PCDH9: variants seen among roughly 807,000 people sequenced by gnomAD.
The protein encoded by PCDH9 is protocadherin 9.
Under a neutral mutation model 70.6 loss-of-function variants are expected in PCDH9, and 24 were observed. The ratio of observed to expected loss-of-function variants is 0.34; its 90% CI spans 0.25 to 0.48. The LOEUF is 0.48. Among genes scored for constraint, PCDH9 ranks in the 20% least tolerant of loss-of-function variants. The pLI, the probability that PCDH9 is intolerant of heterozygous loss-of-function variation, is 0.99. For missense variants in PCDH9, 1,281 were observed against 1,503.6 expected (o/e 0.85, Z 2.45); for synonymous variants, 562 against 558.5 (o/e 1.01, Z -0.09).
In PCDH9 at chr13:67,228,444, A is replaced by G; in HGVS notation, c.-4T>C. 1 of 1,545,606 alleles carries G rather than the reference A, an allele frequency of 6.5e-7. No homozygotes were observed. The highest frequency in any genetic ancestry group is 8.7e-7 in the Non-Finnish European group (1 of 1,149,844). Reference sequence around the variant, plus strand: ...GGTAAAAATCCCTCAGGTCCATGATAATGTATTTATTTTCTTTTCCTGGAT... The same window carrying G: ...GGTAAAAATCCCTCAGGTCCATGATGATGTATTTATTTTCTTTTCCTGGAT... On this transcript the variant is annotated 5_prime_UTR_variant, in exon 2 of 5. Coordinates refer to ENST00000377865, the MANE Select transcript of PCDH9 (RefSeq NM_203487.3).
At chr13:66,480,283 A>G (rs1566358483) in intron 4 of PCDH9, among the ~76,000 whole-genome samples, 1 of 152,210 alleles carries the variant, frequency 6.6e-6, no homozygotes, top group Non-Finnish European at 1.5e-5. Context: ...GTCTCATGAT[A>G]AAAACTTAAA....
intron 2 of PCDH9, among the ~76,000 whole-genome samples, chr13:67,080,149 T>C (rs2085955226): frequency 6.6e-6 from 1 of 152,226 alleles, no homozygotes; most frequent in African/African-American, 2.4e-5. Flanking sequence ...TGGTCACTCA[T>C]ATTGACTCAG....
intron 3 of PCDH9, among the ~76,000 whole-genome samples, chr13:66,675,888 G>A (rs546531845): frequency 1.2e-4 from 19 of 152,202 alleles, no homozygotes; most frequent in South Asian, 4.1e-4. Flanking sequence ...GAAGTATGGC[G>A]TTGTCTTCTT....
intron 2 of PCDH9, among the ~76,000 whole-genome samples, chr13:67,013,074 T>C (rs536016656): frequency 6.6e-6 from 1 of 151,920 alleles, no homozygotes; most frequent in Non-Finnish European, 1.5e-5. Flanking sequence ...ATAGTAGTCT[T>C]TTTTATTAAT....
At chr13:66,679,955 T>C (rs1481440454) in intron 3 of PCDH9, among the ~76,000 whole-genome samples, 1 of 152,018 alleles carries the variant, frequency 6.6e-6, no homozygotes, top group Non-Finnish European at 1.5e-5. Context: ...TAAACATCTT[T>C]TTTAATACTA....
chr13:66,424,211 T>C (rs756117978), intron 4 of PCDH9, among the ~76,000 whole-genome samples: 1 of 152,160 alleles, frequency 6.6e-6, no homozygotes, highest in Non-Finnish European at 1.5e-5. Flanking sequence ...TCCATGCTCA[T>C]GGGTAGGAAG....
intron 4 of PCDH9, among the ~76,000 whole-genome samples, chr13:66,585,128 T>C (rs1337911835): frequency 1.3e-5 from 2 of 152,038 alleles, no homozygotes; most frequent in African/African-American, 4.8e-5. Context: ...AGTAGGAAAT[T>C]TGATGGTAAG....
At chr13:66,923,390 A>G (rs949595253) in intron 2 of PCDH9, among the ~76,000 whole-genome samples, 1 of 151,650 alleles carries the variant, frequency 6.6e-6, no homozygotes, top group African/African-American at 2.4e-5. Flanking sequence ...AGTTCTTTCT[A>G]AAAATTTTGT....
At chr13:67,125,627 C>G (rs991084436) in intron 2 of PCDH9, among the ~76,000 whole-genome samples, 20 of 152,128 alleles carry the variant, frequency 1.3e-4, no homozygotes, top group Admixed American at 2.6e-4. Context: ...AGCATCCAGT[C>G]TAAGCTGCAA....
intron 4 of PCDH9, among the ~76,000 whole-genome samples, chr13:66,420,662 C>T (rs1194369061): frequency 6.6e-6 from 1 of 152,082 alleles, no homozygotes; most frequent in East Asian, 1.9e-4. Context: ...GATGATGAGG[C>T]AAACCTCCAT....
At chr13:66,870,574 A>G (rs567696737) in intron 3 of PCDH9, among the ~76,000 whole-genome samples, 79 of 152,296 alleles carry the variant, frequency 5.2e-4, no homozygotes, top group African/African-American at 1.8e-3. Context: ...AAAAGTGGGC[A>G]AAGGACATGA....
At chr13:67,118,506 GCCATATGGCATAATA>G (rs1298468702) in intron 2 of PCDH9, among the ~76,000 whole-genome samples, 15 of 152,100 alleles carry the variant, frequency 9.9e-5, no homozygotes, top group Non-Finnish European at 2.1e-4. Context: ...TGGCATAATT[GCCATATGGCATAATA>G]GATTTTGTTT....
rs577586561 is a variant in PCDH9, at chr13:66,685,483, C to T, written c.3139-54072G>A. On this transcript the variant is annotated intron_variant, in intron 3 of 4. Coordinates refer to ENST00000377865, the MANE Select transcript of PCDH9 (RefSeq NM_203487.3). ...TGCAGGGGTGGAGCCCTCATGGAGA[C>T]CTTCTGCTAGGGCAGAGCAGAAGGA... Among the ~76,000 whole-genome samples the T allele has an allele frequency of 2.0e-5, 3 of 152,284 alleles. No individual in the cohort carries two copies. In the East Asian group the frequency reaches 5.8e-4, roughly 30 times the overall value.
chr13:66,762,706 A>G lies in PCDH9; in HGVS notation c.3139-131295T>C, dbSNP rs142709461. 3.9e-3 allele frequency among the ~76,000 whole-genome samples: 600 copies of G among 152,070 alleles called. 7 individuals carry two copies. The highest frequency in any genetic ancestry group is 0.014 in the African/African-American group (576 of 41,414). The stretch of plus-strand genomic sequence containing the variant: ...AGAATGGCAATCACTGGAAGTTCCT[A>G]TTCTACCATCTAACTCGACTCAATC... On this transcript the variant is annotated intron_variant, in intron 3 of 4. Coordinates refer to ENST00000377865, the MANE Select transcript of PCDH9 (RefSeq NM_203487.3).
intron 2 of PCDH9, among the ~76,000 whole-genome samples, chr13:67,080,739 C>T (rs1253758264): frequency 2.0e-5 from 3 of 152,104 alleles, no homozygotes; most frequent in East Asian, 1.9e-4. Flanking sequence ...ATTAATTGTC[C>T]TATATTAGCA....
chr13:66,556,827 A>G (rs1961760172), intron 4 of PCDH9, among the ~76,000 whole-genome samples: 1 of 152,128 alleles, frequency 6.6e-6, no homozygotes, highest in African/African-American at 2.4e-5. Flanking sequence ...AAAAGAGTAC[A>G]TTATTTCATA....
Position 66,796,305 on chromosome 13 carries a change from A to T in PCDH9, c.3138+107199T>A, listed in dbSNP as rs144484073. ...TCATGTGTACAGAGGCTGGGGAAAAAGCAAAGTTGCAGACCCTTGTCTGTA... is the reference window on the plus strand; with the variant it reads ...TCATGTGTACAGAGGCTGGGGAAAATGCAAAGTTGCAGACCCTTGTCTGTA... On this transcript the variant is annotated intron_variant, in intron 3 of 4. Transcript: ENST00000377865. Among the ~76,000 whole-genome samples, 341 of 152,270 alleles carry T rather than the reference A, an allele frequency of 2.2e-3. 4 individuals are homozygous for T. Among genetic ancestry groups the T allele is most frequent in the African/African-American group, 8.0e-3 (332 of 41,558 alleles).
intron 3 of PCDH9, among the ~76,000 whole-genome samples, chr13:66,812,429 A>G (rs1343365962): frequency 1.3e-5 from 2 of 152,136 alleles, no homozygotes; most frequent in Admixed American, 6.6e-5. Context: ...TTTAAATAAC[A>G]AAGAATAGAC....
intron 3 of PCDH9, among the ~76,000 whole-genome samples, chr13:66,881,696 AAT>A (rs2081924151): frequency 1.3e-5 from 2 of 152,322 alleles, no homozygotes; most frequent in South Asian, 2.1e-4. Context: ...GTGGGAAAAT[AAT>A]ATGTTTTCTA....
Sources: gnomAD v4.1 joint callset for allele counts (sites outside exome capture counted in the v4.1 genomes callset) on GRCh38, gnomAD v4.1.1 for gene constraint, MANE v1.5 for transcripts, NCBI Gene and HGNC (gene_info 2026-07-23, HGNC 2026-07-21) for gene names.